The following SLC22A25 variants were observed in gnomAD, a reference collection of about 807,000 sequenced individuals.
SLC22A25 encodes solute carrier family 22 member 25.
SLC22A25 carries 44 observed loss-of-function variants against 45.9 expected under a neutral mutation model. That is an observed-to-expected ratio of 0.96 (90% CI 0.75 to 1.23). SLC22A25 has a LOEUF of 1.23. Among genes scored for constraint, SLC22A25 ranks in the 50% most tolerant of loss-of-function variants. SLC22A25 has a pLI of 0.00. For synonymous variants in SLC22A25, 283 were observed against 238.6 expected (o/e 1.19, Z -1.72); for missense variants, 800 against 666.4 (o/e 1.20, Z -2.21).
In SLC22A25 at chr11:63,181,310, T is replaced by C. The variant is rs184540778; in HGVS notation, c.955-535A>G. 7.9e-5 allele frequency among the ~76,000 whole-genome samples: 12 copies of C among 152,092 alleles called. No homozygotes were observed. The East Asian group carries it at 2.3e-3, about 29-fold the overall frequency. On this transcript the variant is annotated intron_variant, in intron 8 of 11. Transcript: ENST00000306494. ...ATACTTTAAGTTTTAGGGTACATGATATACATGTGCCATGTTGGTGTGCTG... is the reference window on the plus strand; with the variant it reads ...ATACTTTAAGTTTTAGGGTACATGACATACATGTGCCATGTTGGTGTGCTG...
chr11:63,216,837 A>G (rs2089723851), intron 7 of SLC22A25, among the ~76,000 whole-genome samples: 1 of 114,422 alleles, frequency 8.7e-6, no homozygotes, highest in African/African-American at 2.6e-5. Context: ...AGATTTTCTT[A>G]TAAAAAAAGT....
At chr11:63,178,966 A>AT (rs56266035) in intron 9 of SLC22A25, among the ~76,000 whole-genome samples, 4,463 of 147,884 alleles carry the variant, frequency 0.03, 220 homozygotes, top group African/African-American at 0.1. Context: ...TAAGTCTGTA[A>AT]TTTTTTTTTT....
chr11:63,243,587 G>A lies in SLC22A25; in HGVS notation c.-1149C>T. 2.6e-6 allele frequency: 2 copies of A among 767,222 alleles called. No individual in the cohort carries two copies. The highest frequency in any genetic ancestry group is 4.9e-6 in the Non-Finnish European group (2 of 411,668). The allele number at this position is 767,222 out of a possible 1,614,324, so 47.5% of individuals were successfully genotyped here. ...TACCGACAACTCCATCAAGCCTCAG[G>A]AGCTGCTGGAGTGGGAACTGGTGGT... is the stretch of plus-strand genomic sequence containing the variant. On this transcript the variant is annotated 5_prime_UTR_variant, in exon 1 of 12. Transcript: ENST00000306494.
chr11:63,199,890 T>C (rs2089184368), intron 7 of SLC22A25, among the ~76,000 whole-genome samples: 1 of 151,908 alleles, frequency 6.6e-6, no homozygotes, highest in Non-Finnish European at 1.5e-5. Context: ...TTGTTGATAC[T>C]GTGCTGGATG....
chr11:63,187,561 G>T (rs537966684), intron 7 of SLC22A25, among the ~76,000 whole-genome samples: 10 of 152,136 alleles, frequency 6.6e-5, no homozygotes, highest in Non-Finnish European at 1.0e-4. Flanking sequence ...GATTGCCCTG[G>T]CCAGAACTTC....
chr11:63,192,040 C>T (rs888682973), intron 7 of SLC22A25, among the ~76,000 whole-genome samples: 1 of 152,052 alleles, frequency 6.6e-6, no homozygotes, highest in Non-Finnish European at 1.5e-5. Flanking sequence ...TTCAGGTTCT[C>T]CAAGGTTGAA....
At chr11:63,168,778 C>T (rs926948212) in intron 9 of SLC22A25, among the ~76,000 whole-genome samples, 1 of 152,066 alleles carries the variant, frequency 6.6e-6, no homozygotes, top group Non-Finnish European at 1.5e-5. Context: ...CCCAACCTAG[C>T]AAGACAGGCC....
At chr11:63,223,477 T>A (rs1452298729) in intron 5 of SLC22A25, among the ~76,000 whole-genome samples, 4 of 152,124 alleles carry the variant, frequency 2.6e-5, no homozygotes, top group Non-Finnish European at 4.4e-5. Flanking sequence ...ATGTCTCTTT[T>A]TTCCATCTCT....
chr11:63,208,602 C>T (rs2089472301), intron 7 of SLC22A25, among the ~76,000 whole-genome samples: 1 of 152,050 alleles, frequency 6.6e-6, no homozygotes, highest in Non-Finnish European at 1.5e-5. Context: ...CTAGGCTCAC[C>T]TGGGACATGA....
At chr11:63,185,580 A>C (rs2088502200) in intron 7 of SLC22A25, among the ~76,000 whole-genome samples, 1 of 148,906 alleles carries the variant, frequency 6.7e-6, no homozygotes, top group African/African-American at 2.5e-5. Context: ...TTTAGGGTAC[A>C]TGTGCACATT....
chr11:63,184,280 C>A (rs190945484), intron 7 of SLC22A25, among the ~76,000 whole-genome samples: 1 of 152,218 alleles, frequency 6.6e-6, no homozygotes, highest in East Asian at 1.9e-4. Context: ...ATTAGCAAGT[C>A]ATTTACCTAA....
chr11:63,192,717 C>A (rs1369240526), intron 7 of SLC22A25, among the ~76,000 whole-genome samples: 4 of 152,024 alleles, frequency 2.6e-5, no homozygotes, highest in Admixed American at 1.3e-4. Context: ...GAGTTTAAAC[C>A]AACAAACATG....
intron 8 of SLC22A25, among the ~76,000 whole-genome samples, chr11:63,182,906 A>G (rs989933771): frequency 6.6e-6 from 1 of 152,052 alleles, no homozygotes; most frequent in African/African-American, 2.4e-5. Context: ...CATTCTTTCT[A>G]TACTTTTATA....
intron 9 of SLC22A25, among the ~76,000 whole-genome samples, chr11:63,168,354 T>C (rs1415330208): frequency 2.0e-5 from 3 of 151,956 alleles, no homozygotes; most frequent in Non-Finnish European, 4.4e-5. Context: ...AGAAGGTGGG[T>C]AATAACAAAC....
At chr11:63,218,117 T>A (rs753631509) in intron 5 of SLC22A25, 7 of 465,182 alleles carry the variant, frequency 1.5e-5, no homozygotes, top group South Asian at 1.1e-4. Flanking sequence ...AGCAAAGGCA[T>A]GGAATAACCT....
chr11:63,194,162 TG>T (rs1404136290), intron 7 of SLC22A25, among the ~76,000 whole-genome samples: 1 of 151,960 alleles, frequency 6.6e-6, no homozygotes, highest in Non-Finnish European at 1.5e-5. Flanking sequence ...TATGTGACTG[TG>T]TGAAAAGACC....
rs1274072841 is a variant in SLC22A25 at position 63,162,461 on chromosome 11, A to G, written c.*1363T>C. On this transcript the variant is annotated 3_prime_UTR_variant, in exon 12 of 12. Coordinates refer to ENST00000306494, the MANE Select transcript of SLC22A25 (RefSeq NM_199352.6). ...TTTTTGTATATGGTGAGAGAGTTCT[A>G]GTTTTATTCTTCTGCATATGGATAT... Among the ~76,000 whole-genome samples the G allele has an allele frequency of 2.0e-5, 3 of 152,044 alleles. No homozygotes were observed. Among genetic ancestry groups the G allele is most frequent in the Non-Finnish European group, 4.4e-5 (3 of 68,004 alleles).
intron 7 of SLC22A25, among the ~76,000 whole-genome samples, chr11:63,195,319 C>T (rs192155882): frequency 1.3e-5 from 2 of 152,074 alleles, no homozygotes; most frequent in African/African-American, 4.8e-5. Context: ...CAGCACCACA[C>T]CGCACTTATT....
chr11:63,222,807 GTT>G (rs35744319), intron 5 of SLC22A25, among the ~76,000 whole-genome samples: 14 of 151,386 alleles, frequency 9.2e-5, no homozygotes, highest in Non-Finnish European at 1.9e-4. Context: ...TCTATACCCA[GTT>G]TTTTTTTGAG....
Sources: gnomAD v4.1 joint callset for allele counts (sites outside exome capture counted in the v4.1 genomes callset) on GRCh38, gnomAD v4.1.1 for gene constraint, MANE v1.5 for transcripts, NCBI Gene and HGNC (gene_info 2026-07-23, HGNC 2026-07-21) for gene names.